Variants in OPRD1 observed in about 807,000 individuals in gnomAD.
OPRD1 encodes opioid receptor delta 1.
Under a neutral mutation model 17.5 loss-of-function variants are expected in OPRD1, and 19 were observed. That is an observed-to-expected ratio of 1.09 (90% CI 0.76 to 1.60). OPRD1 has a LOEUF of 1.60. OPRD1 is among the 40% of genes most tolerant of loss of function. OPRD1 has a pLI of 0.00. For missense variants in OPRD1, 483 were observed against 547.2 expected (o/e 0.88, Z 1.17); for synonymous variants, 256 against 240.9 (o/e 1.06, Z -0.58).
chr1:28,847,809 C>T (rs1224261008), intron 1 of OPRD1, among the ~76,000 whole-genome samples: 1 of 151,952 alleles, frequency 6.6e-6, no homozygotes, highest in Non-Finnish European at 1.5e-5. Context: ...CCAGCATGGG[C>T]AACAGGGTGA....
chr1:28,814,782 TA>T (rs2088660472), intron 1 of OPRD1, among the ~76,000 whole-genome samples: 1 of 152,200 alleles, frequency 6.6e-6, no homozygotes, highest in Non-Finnish European at 1.5e-5. Flanking sequence ...GCAAGCAGCT[TA>T]GTGGGCCCCT....
At chr1:28,837,855 C>T (rs2088866107) in intron 1 of OPRD1, among the ~76,000 whole-genome samples, 1 of 145,910 alleles carries the variant, frequency 6.9e-6, no homozygotes, top group Non-Finnish European at 1.5e-5. Flanking sequence ...CATATAAGGA[C>T]CCACCCTAAT....
intron 1 of OPRD1, among the ~76,000 whole-genome samples, chr1:28,848,745 A>G (rs929151080): frequency 1.3e-5 from 2 of 152,234 alleles, no homozygotes; most frequent in Non-Finnish European, 2.9e-5. Flanking sequence ...ACTTAGACTG[A>G]GTTCAATACC....
chr1:28,822,969 G>A (rs914188406), intron 1 of OPRD1, among the ~76,000 whole-genome samples: 3 of 152,082 alleles, frequency 2.0e-5, no homozygotes, highest in Non-Finnish European at 4.4e-5. Flanking sequence ...CAGGAAGAGG[G>A]ATAATCGTGG....
intron 1 of OPRD1, among the ~76,000 whole-genome samples, chr1:28,828,374 G>A (rs988868632): frequency 6.6e-6 from 1 of 152,114 alleles, no homozygotes; most frequent in Non-Finnish European, 1.5e-5. Flanking sequence ...CATCAACCAT[G>A]CTGTAAACAG....
Position 28,862,868 on chromosome 1 carries a change from T to A in OPRD1, c.704T>A (p.Leu235His). The change falls in exon 3 of 3, where the codon CTC becomes CAC. Residue 235 changes from leucine (L) to histidine (H), a missense_variant. Transcript: ENST00000234961. ...CTCATCATCACCGTGTGCTATGGCCTCATGCTGCTGCGCCTGCGCAGTGTG... is the reference window on the plus strand; with the variant it reads ...CTCATCATCACCGTGTGCTATGGCCACATGCTGCTGCGCCTGCGCAGTGTG... ...PILIITVCYGLMLLRLRSVRL... is the reference protein window; with the variant it reads ...PILIITVCYGHMLLRLRSVRL... 1 of 1,612,694 alleles carries A rather than the reference T, an allele frequency of 6.2e-7. No homozygotes were observed. Among genetic ancestry groups the A allele is most frequent in the Non-Finnish European group, 8.5e-7 (1 of 1,180,008 alleles).
Position 28,868,270 on chromosome 1 carries a change from T to C in OPRD1, c.*4987T>C, listed in dbSNP as rs767490324. 2.6e-5 allele frequency: 4 copies of C among 152,106 alleles called. No homozygotes were observed. Among genetic ancestry groups the C allele is most frequent in the Non-Finnish European group, 5.9e-5 (4 of 68,024 alleles). 9.4% of individuals were successfully genotyped at this position (152,106 alleles called of 1,614,324 possible). ...TCTGAGCTTCAGTTTCCTTCTAGAG[T>C]TGAGATGTGGGAATTGGTCCATCTC... On this transcript the variant is annotated 3_prime_UTR_variant, in exon 3 of 3. Coordinates refer to ENST00000234961, the MANE Select transcript of OPRD1 (RefSeq NM_000911.4).
chr1:28,855,300 C>G (rs934197515), intron 1 of OPRD1, among the ~76,000 whole-genome samples: 1 of 151,972 alleles, frequency 6.6e-6, no homozygotes, highest in Non-Finnish European at 1.5e-5. Context: ...CCAGAGGCCC[C>G]GAAGTGGGGA....
chr1:28,850,783 A>AAATAATAAT (rs144560328), intron 1 of OPRD1, among the ~76,000 whole-genome samples: 71 of 135,904 alleles, frequency 5.2e-4, no homozygotes, highest in East Asian at 2.6e-3. Flanking sequence ...ATCTGTCTCA[A>AAATAATAAT]AATAATAATA....
rs2089135442 is a variant in OPRD1 at position 28,862,827 on chromosome 1, C to T, written c.663C>T (p.Ala221=). ...TVTKICVFLF[A]FVVPILIITV... is the part of the protein sequence containing the mutation. ...CCAAGATCTGCGTGTTCCTCTTCGC[C>T]TTCGTGGTGCCCATCCTCATCATCA... Residue 221 remains alanine, a synonymous_variant, in exon 3 of 3, where the codon GCC becomes GCT. Coordinates refer to ENST00000234961, the MANE Select transcript of OPRD1 (RefSeq NM_000911.4). The T allele has an allele frequency of 6.2e-7, 1 of 1,613,364 alleles. No individual in the cohort carries two copies. Among genetic ancestry groups the T allele is most frequent in the Non-Finnish European group, 8.5e-7 (1 of 1,180,028 alleles).
rs573183862 is a variant in OPRD1 at position 28,858,233 on chromosome 1, C to A, written c.228-721C>A. On this transcript the variant is annotated intron_variant, in intron 1 of 2. Transcript: ENST00000234961. ...GGTTCACGCCATTCTCCTGCCTCAGCCTCCCGAGTAGCTGGGACTACAGGC... is the reference window on the plus strand; with the variant it reads ...GGTTCACGCCATTCTCCTGCCTCAGACTCCCGAGTAGCTGGGACTACAGGC... Among the ~76,000 whole-genome samples, 9 of 151,296 alleles carry A rather than the reference C, an allele frequency of 5.9e-5. No individual in the cohort carries two copies. In the East Asian group the frequency reaches 1.8e-3, roughly 30 times the overall value.
At position 28,863,271 on chromosome 1, in the gene OPRD1, C is replaced by T. The variant is rs1471724725; in HGVS notation, c.1107C>T (p.Gly369=). The change falls in exon 3 of 3, where the codon GGC becomes GGT. Residue 369 remains glycine (G), a synonymous_variant. Transcript: ENST00000234961. ...CCCCGTCCGATGGTCCCGGCGGTGG[C>T]GCTGCCGCCTGACCAGGCCATCCGG... is the stretch of plus-strand genomic sequence containing the variant. ...ACTPSDGPGG[G]AAA The T allele has an allele frequency of 6.9e-7, 1 of 1,453,760 alleles. No individual in the cohort carries two copies. The highest frequency in any genetic ancestry group is 9.0e-7 in the Non-Finnish European group (1 of 1,114,286). The allele number at this position is 1,453,760 out of a possible 1,614,324, so 90.1% of individuals were successfully genotyped here. A position where few individuals can be genotyped will look rare whatever the true frequency, so the allele number is the denominator to read the frequency against.
At chr1:28,827,202 G>A (rs745670060) in intron 1 of OPRD1, among the ~76,000 whole-genome samples, 13 of 152,170 alleles carry the variant, frequency 8.5e-5, no homozygotes, top group Non-Finnish European at 1.6e-4. Context: ...AGGCTGAGGT[G>A]GGGGGATTGC....
chr1:28,831,719 G>A (rs2088810155), intron 1 of OPRD1, among the ~76,000 whole-genome samples: 1 of 151,656 alleles, frequency 6.6e-6, no homozygotes, highest in Non-Finnish European at 1.5e-5. Flanking sequence ...TTTTTTATTT[G>A]TAGAGATGAG....
intron 1 of OPRD1, among the ~76,000 whole-genome samples, chr1:28,850,132 G>A (rs140140819): frequency 8.2e-4 from 125 of 151,980 alleles, no homozygotes; most frequent in African/African-American, 2.7e-3. Context: ...TGCCCACCTC[G>A]GCCTCCCAAA....
At chr1:28,812,769 G>C (rs1030723469) in intron 1 of OPRD1, among the ~76,000 whole-genome samples, 159 bp downstream of exon 1, 4 of 152,254 alleles carry the variant, frequency 2.6e-5, no homozygotes, top group Non-Finnish European at 5.9e-5. Flanking sequence ...CTTACATCGA[G>C]GGGAACACAG....
chr1:28,832,614 C>T (rs113664294), intron 1 of OPRD1, among the ~76,000 whole-genome samples: 2 of 107,142 alleles, frequency 1.9e-5, no homozygotes, highest in Admixed American at 1.9e-4. Context: ...GAGACTCTGT[C>T]TCAAAAAAAA....
Position 28,837,661 on chromosome 1 carries a change from C to CA in OPRD1, c.228-21285dup, listed in dbSNP as rs910639870. ...GATTCCGTCTCAAAAAAACAAAAAACAAAAAAAACAAAAAAAAACCCAAAA... is the reference window on the plus strand; with the variant it reads ...GATTCCGTCTCAAAAAAACAAAAAACAAAAAAAAACAAAAAAAAACCCAAAA... On this transcript the variant is annotated intron_variant, in intron 1 of 2. Transcript: ENST00000234961. Among the ~76,000 whole-genome samples the CA allele has an allele frequency of 6.8e-4, 99 of 146,120 alleles. 3 individuals are homozygous for CA. The East Asian group carries it at 0.012, about 17-fold the overall frequency.
rs751634740 is a variant in OPRD1 at position 28,812,476 on chromosome 1, C to T, written c.93C>T (p.Gly31=). Residue 31 remains glycine (G), a synonymous_variant, in exon 1 of 3, where the codon GGC becomes GGT. Transcript: ENST00000234961. ...ACCCTAGCGCCTGCCCCAGCGCTGG[C>T]GCCAATGCGTCGGGGCCGCCAGGCG... ...DAYPSACPSA[G]ANASGPPGAR... The T allele has an allele frequency of 1.5e-5, 23 of 1,539,900 alleles. No individual in the cohort carries two copies. In the Admixed American group the frequency reaches 2.1e-4, roughly 14 times the overall value.
Sources: gnomAD v4.1 joint callset for allele counts (sites outside exome capture counted in the v4.1 genomes callset) on GRCh38, gnomAD v4.1.1 for gene constraint, MANE v1.5 for transcripts, NCBI Gene and HGNC (gene_info 2026-07-23, HGNC 2026-07-21) for gene names.